ATP6V1A: variants seen among roughly 807,000 people sequenced by gnomAD.
ATP6V1A encodes the protein V-type proton ATPase catalytic subunit A.
Under a neutral mutation model 70.1 loss-of-function variants are expected in ATP6V1A, and 18 were observed. The observed-to-expected ratio is 0.26, with a 90% CI of 0.18 to 0.38. The LOEUF is 0.38. ATP6V1A is among the 10% of genes least tolerant of loss of function. The probability of loss-of-function intolerance (pLI) is 1.00; values close to 1 mark genes in which losing one functional copy is unlikely to be tolerated. For synonymous variants in ATP6V1A, 232 were observed against 253.8 expected, an observed-to-expected ratio of 0.91 and a Z score of 0.82; for missense variants, 424 against 772.4, an observed-to-expected ratio of 0.55 and a Z score of 5.35.
intron 12 of ATP6V1A, among the ~76,000 whole-genome samples, 164 bp downstream of exon 12, chr3:113,798,610 T>A (rs1287085446): frequency 6.6e-6 from 1 of 152,236 alleles, no homozygotes. Flanking sequence ...GCATGGTTTT[T>A]GGGTATATTG....
intron 6 of ATP6V1A, among the ~76,000 whole-genome samples, chr3:113,788,346 T>A (rs1709058276): frequency 6.6e-6 from 1 of 152,028 alleles, no homozygotes. Context: ...TATTTTTATT[T>A]TTTTTGAGAT....
chr3:113,796,401 T>C (rs930384532), intron 11 of ATP6V1A, among the ~76,000 whole-genome samples: 3 of 152,186 alleles, frequency 2.0e-5, no homozygotes, highest in African/African-American at 7.2e-5. Context: ...TGCATCTAGC[T>C]GACACAAGGG....
intron 12 of ATP6V1A, chr3:113,802,673 T>TG (rs1284134754): frequency 2.0e-5 from 3 of 150,366 alleles, no homozygotes; most frequent in Admixed American, 6.7e-5. Flanking sequence ...GGATTTTTTT[T>TG]TGTGAGATAA....
At position 113,810,750 on chromosome 3, in the gene ATP6V1A, A is replaced by G. The variant is rs1321073248; in HGVS notation, c.*1323A>G. The G allele has an allele frequency of 2.0e-5, 3 of 152,218 alleles. No individual in the cohort carries two copies. Among genetic ancestry groups the G allele is most frequent in the Non-Finnish European group, 4.4e-5 (3 of 68,040 alleles). 9.4% of individuals were successfully genotyped at this position (152,218 alleles called of 1,614,324 possible). On this transcript the variant is annotated 3_prime_UTR_variant, in exon 15 of 15. Transcript: ENST00000273398. ...TGATTCCTGGGGCCAGAGTGGCATT[A>G]TGTTTTTACAAAATAATGACATATG...
chr3:113,798,766 AG>A (rs1166199687), intron 12 of ATP6V1A, among the ~76,000 whole-genome samples: 1 of 152,312 alleles, frequency 6.6e-6, no homozygotes, highest in African/African-American at 2.4e-5. Context: ...ATTGGCTTCT[AG>A]TTCCTCCAAT....
chr3:113,768,573 T>A (rs1708800031), intron 1 of ATP6V1A, among the ~76,000 whole-genome samples: 1 of 151,368 alleles, frequency 6.6e-6, no homozygotes, highest in African/African-American at 2.4e-5. Flanking sequence ...AGGAGAGTAT[T>A]GTTTCTCATA....
rs750223434 is a variant in ATP6V1A, at chr3:113,795,858, T to C, written c.1227-18T>C. The C allele has an allele frequency of 3.8e-6, 6 of 1,596,060 alleles. No homozygotes were observed. Among genetic ancestry groups the C allele is most frequent in the Admixed American group, 1.7e-5 (1 of 57,432 alleles). On this transcript the variant is annotated intron_variant, in intron 10 of 14. Transcript: ENST00000273398. The stretch of plus-strand genomic sequence containing the variant: ...ATGACCATTTTTTTTGTAATGACCA[T>C]ATTTTTTTTAAATTTAGAGTTTCTC...
At chr3:113,764,986 C>T (rs1332410201) in intron 1 of ATP6V1A, among the ~76,000 whole-genome samples, 2 of 146,022 alleles carry the variant, frequency 1.4e-5, no homozygotes, top group Non-Finnish European at 1.5e-5. Context: ...AGACCCAGAC[C>T]CTGTCTTAAT....
At chr3:113,780,666 C>A in intron 2 of ATP6V1A, 1 of 1,038,504 alleles carries the variant, frequency 9.6e-7, no homozygotes, top group Admixed American at 2.8e-5. Flanking sequence ...TGGCATTCTA[C>A]CATACTACTA....
chr3:113,760,412 C>G (rs1279691569), intron 1 of ATP6V1A, among the ~76,000 whole-genome samples: 2 of 152,138 alleles, frequency 1.3e-5, no homozygotes, highest in Non-Finnish European at 2.9e-5. Flanking sequence ...AACCTTTGTC[C>G]TCTTCTATTC....
chr3:113,792,652 AG>A (rs1366171697), intron 8 of ATP6V1A, among the ~76,000 whole-genome samples: 1 of 152,164 alleles, frequency 6.6e-6, no homozygotes, highest in Non-Finnish European at 1.5e-5. Context: ...TACATTTCTT[AG>A]GGTAATTTCT....
chr3:113,788,184 A>G (rs1259625302), intron 6 of ATP6V1A, among the ~76,000 whole-genome samples: 1 of 152,128 alleles, frequency 6.6e-6, no homozygotes, highest in African/African-American at 2.4e-5. Context: ...AAGCATTGGG[A>G]TTACAGGCAT....
chr3:113,754,185 A>G (rs1708621629), intron 1 of ATP6V1A, among the ~76,000 whole-genome samples: 1 of 152,170 alleles, frequency 6.6e-6, no homozygotes, highest in African/African-American at 2.4e-5. Context: ...TACACTTTAC[A>G]TTATATGTTT....
In ATP6V1A at chr3:113,789,726, C is replaced by T; in HGVS notation, c.880-6C>T. The T allele has an allele frequency of 6.3e-7, 1 of 1,586,124 alleles. No individual in the cohort carries two copies. Among genetic ancestry groups the T allele is most frequent in the Non-Finnish European group, 8.7e-7 (1 of 1,155,340 alleles). On this transcript the variant is annotated splice_polypyrimidine_tract_variant and splice_region_variant and intron_variant, in intron 7 of 14. Transcript: ENST00000273398. ...GGAGATTCACTAATATATATTTTACCTCTAGCTCACAATGGAGGTTGATGG... is the reference window on the plus strand; with the variant it reads ...GGAGATTCACTAATATATATTTTACTTCTAGCTCACAATGGAGGTTGATGG...
At chr3:113,804,028 C>T (rs1709249289) in intron 13 of ATP6V1A, among the ~76,000 whole-genome samples, 1 of 152,132 alleles carries the variant, frequency 6.6e-6, no homozygotes, top group Non-Finnish European at 1.5e-5. Flanking sequence ...GACAGGGTCT[C>T]ACTCTGTCAC....
chr3:113,796,164 A>G (rs142166149), intron 11 of ATP6V1A, among the ~76,000 whole-genome samples: 7 of 152,346 alleles, frequency 4.6e-5, no homozygotes, highest in African/African-American at 1.7e-4. Context: ...TTAATAATAT[A>G]TAAGTGGAAA....
intron 13 of ATP6V1A, among the ~76,000 whole-genome samples, chr3:113,804,508 T>C (rs186216328): frequency 1.6e-4 from 25 of 152,288 alleles, no homozygotes; most frequent in Non-Finnish European, 3.4e-4. Context: ...TTTGAGAATT[T>C]AGCCCTTTCA....
chr3:113,755,249 T>G (rs1708634245), intron 1 of ATP6V1A, among the ~76,000 whole-genome samples: 1 of 152,072 alleles, frequency 6.6e-6, no homozygotes, highest in African/African-American at 2.4e-5. Context: ...AGTATTTAAC[T>G]TCATTGGATG....
chr3:113,768,389 C>A (rs774958170), intron 1 of ATP6V1A, among the ~76,000 whole-genome samples: 1 of 151,924 alleles, frequency 6.6e-6, no homozygotes, highest in Non-Finnish European at 1.5e-5. Context: ...TTTTCAAAGT[C>A]CTTTCTTGTT....
Sources: allele counts gnomAD v4.1 joint callset (sites outside exome capture counted in the v4.1 genomes callset), GRCh38; gene constraint gnomAD v4.1.1; transcripts MANE v1.5; gene names NCBI Gene and HGNC (gene_info 2026-07-23, HGNC 2026-07-21).